Variants in KIF6 observed in about 807,000 individuals in gnomAD.
KIF6 encodes the protein kinesin-like protein KIF6.
Under a neutral mutation model 112.7 loss-of-function variants are expected in KIF6, and 106 were observed. The ratio of observed to expected loss-of-function variants is 0.94; its 90% CI spans 0.80 to 1.11. The LOEUF (loss-of-function observed/expected upper bound fraction) is 1.11, where lower values mean the gene tolerates loss of function less well. Among genes scored for constraint, KIF6 ranks in the 50% least tolerant of loss-of-function variants. The pLI is 0.00. For missense variants in KIF6, 929 were observed against 964.0 expected (o/e 0.96, Z 0.48); for synonymous variants, 339 against 339.9 (o/e 1.00, Z 0.03).
At chr6:39,669,231 T>G (rs954189737) in intron 3 of KIF6, among the ~76,000 whole-genome samples, 1 of 152,222 alleles carries the variant, frequency 6.6e-6, no homozygotes, top group Non-Finnish European at 1.5e-5. Context: ...AAAGGGTCCA[T>G]TATGTAAACA....
intron 14 of KIF6, among the ~76,000 whole-genome samples, chr6:39,423,026 C>A (rs1488565846): frequency 2.6e-5 from 4 of 152,188 alleles, no homozygotes. Context: ...TGATGAGCGC[C>A]CGAGGGTTTC....
intron 13 of KIF6, among the ~76,000 whole-genome samples, chr6:39,473,334 G>A (rs534337206): frequency 7.2e-5 from 11 of 152,056 alleles, no homozygotes; most frequent in Non-Finnish European, 1.2e-4. Context: ...TAACTTTTCT[G>A]AACATGTGCG....
At position 39,343,308 on chromosome 6, in the gene KIF6, T is replaced by C. The variant is rs113891504; in HGVS notation, c.2428+401A>G. 406 of 1,293,652 alleles carry C rather than the reference T, an allele frequency of 3.1e-4. No individual in the cohort carries two copies. In the African/African-American group the frequency reaches 4.9e-3, roughly 15 times the overall value. The allele number at this position is 1,293,652 out of a possible 1,614,324, so 80.1% of individuals were successfully genotyped here. ...CTCTTTGGCAAGAACCACACTCTGA[T>C]AGGGGAGTGAGACTTTAAGCCAGGG... On this transcript the variant is annotated intron_variant, in intron 22 of 22. Transcript: ENST00000287152. The surrounding 1 kb of genome is among the most constrained non-coding windows in gnomAD (Gnocchi z 4.1).
At chr6:39,492,742 T>C (rs1268896050) in intron 13 of KIF6, among the ~76,000 whole-genome samples, 1 of 152,222 alleles carries the variant, frequency 6.6e-6, no homozygotes, top group Non-Finnish European at 1.5e-5. Flanking sequence ...TGGTAACTTA[T>C]ATCTGTAGGT....
rs191392215 is a variant in KIF6 at position 39,373,891 on chromosome 6, C to G, written c.1862-11373G>C. On this transcript the variant is annotated intron_variant, in intron 16 of 22. Transcript: ENST00000287152. ...ATAGAAAAAAAATCCTAACGTTCAT[C>G]TGGAACCACAAAAGACCTTCAATAG... 5.8e-4 allele frequency among the ~76,000 whole-genome samples: 89 copies of G among 152,260 alleles called. No homozygotes were observed. The Middle Eastern group carries it at 0.01, about 17-fold the overall frequency.
Position 39,385,813 on chromosome 6 carries a change from A to C in KIF6, c.1811-141T>G. 3 of 658,078 alleles carry C rather than the reference A, an allele frequency of 4.6e-6. No homozygotes were observed. In the South Asian group the frequency reaches 5.5e-5, roughly 12 times the overall value. The allele number at this position is 658,078 out of a possible 1,614,324, so 40.8% of individuals were successfully genotyped here. A position where few individuals can be genotyped will look rare whatever the true frequency, so the allele number is the denominator to read the frequency against. The stretch of plus-strand genomic sequence containing the variant: ...CAAAAGCAGGCATAGCTTCCAAGAA[A>C]TGACCTTCCATGATTCCTAGATCGT... On this transcript the variant is annotated intron_variant, in intron 15 of 22. Coordinates refer to ENST00000287152, the MANE Select transcript of KIF6 (RefSeq NM_145027.6).
intron 15 of KIF6, among the ~76,000 whole-genome samples, chr6:39,393,220 G>T (rs1028959789): frequency 1.3e-5 from 2 of 152,182 alleles, no homozygotes; most frequent in Non-Finnish European, 2.9e-5. Flanking sequence ...TTTACCACCC[G>T]CAGGCCCTCT....
At chr6:39,521,937 T>C (rs115882070) in intron 13 of KIF6, among the ~76,000 whole-genome samples, 1,740 of 152,252 alleles carry the variant, frequency 0.011, 37 homozygotes, top group African/African-American at 0.04. Flanking sequence ...TCCCATATAT[T>C]ATTCTCTGCT....
chr6:39,580,582 T>C (rs1203588969), intron 9 of KIF6, among the ~76,000 whole-genome samples: 2 of 152,204 alleles, frequency 1.3e-5, no homozygotes, highest in Non-Finnish European at 2.9e-5. Context: ...TTTCAAAGTA[T>C]GGTTGAATGT....
Position 39,511,434 on chromosome 6 carries a change from A to G in KIF6, c.1645+28569T>C, listed in dbSNP as rs1427593770. Among the ~76,000 whole-genome samples, 8 of 152,204 alleles carry G rather than the reference A, an allele frequency of 5.3e-5. No homozygotes were observed. In the East Asian group the frequency reaches 1.5e-3, roughly 29 times the overall value. ...TTAGAATGGTGACCATTAAAAAGTC[A>G]AGAAACAACAGGTGCTGGAGAGGAT... On this transcript the variant is annotated intron_variant, in intron 13 of 22. Coordinates refer to ENST00000287152, the MANE Select transcript of KIF6 (RefSeq NM_145027.6).
At chr6:39,584,793 C>T in intron 9 of KIF6, 105 bp downstream of exon 9, 1 of 655,200 alleles carries the variant, frequency 1.5e-6, no homozygotes, top group East Asian at 2.7e-5. Context: ...AATATGTTTC[C>T]ACTACTTAGA....
In KIF6 at chr6:39,480,411, C is replaced by A. The variant is rs186374360; in HGVS notation, c.1646-49250G>T. On this transcript the variant is annotated intron_variant, in intron 13 of 22. Coordinates refer to ENST00000287152, the MANE Select transcript of KIF6 (RefSeq NM_145027.6). ...ATCCCTGGTATGAAACCCACTTGAT[C>A]ATGGTGGATTATCTTTTTGATATGC... is the stretch of plus-strand genomic sequence containing the variant. 2.2e-3 allele frequency among the ~76,000 whole-genome samples: 342 copies of A among 152,280 alleles called. 2 individuals are homozygous for A. Among genetic ancestry groups the A allele is most frequent in the African/African-American group, 5.8e-3 (239 of 41,560 alleles).
At chr6:39,590,838 T>A (rs1781909990) in intron 7 of KIF6, among the ~76,000 whole-genome samples, 1 of 152,198 alleles carries the variant, frequency 6.6e-6, no homozygotes, top group African/African-American at 2.4e-5. Flanking sequence ...GTTTTAATTA[T>A]AAGGGAAATT....
At chr6:39,606,673 C>A (rs1200565298) in intron 6 of KIF6, among the ~76,000 whole-genome samples, 1 of 152,240 alleles carries the variant, frequency 6.6e-6, no homozygotes, top group East Asian at 1.9e-4. Flanking sequence ...CTCCCTGAAC[C>A]CCACTCACCA....
At position 39,346,049 on chromosome 6, in the gene KIF6, G is replaced by GCTCTCTCTCTCTCTCT. The variant is rs1203700665; in HGVS notation, c.2232-276_2232-261dup. Among the ~76,000 whole-genome samples, 88 of 28,998 alleles carry GCTCTCTCTCTCTCTCT rather than the reference G, an allele frequency of 3.0e-3. 18 individuals carry two copies. The highest frequency in any genetic ancestry group is 4.3e-3 in the Non-Finnish European group (66 of 15,408). The allele number at this position is 28,998 out of a possible 152,430, so 19.0% of individuals were successfully genotyped here. ...TAAGAGGAGGATGAGAAACTACAGTGCTCTCTCTCTCTCTCTCTCTCTCTC... is the reference window on the plus strand; with the variant it reads ...TAAGAGGAGGATGAGAAACTACAGTGCTCTCTCTCTCTCTCTCTCTCTCTCTCTCTCTCTCTCTCTC... On this transcript the variant is annotated intron_variant, in intron 20 of 22. Transcript: ENST00000287152.
chr6:39,567,047 G>T (rs918782346), intron 10 of KIF6, among the ~76,000 whole-genome samples: 1 of 152,098 alleles, frequency 6.6e-6, no homozygotes, highest in African/African-American at 2.4e-5. Context: ...ATGAGTGTAT[G>T]TTCTAAAGAG....
chr6:39,456,972 G>A (rs1022054280), intron 13 of KIF6, among the ~76,000 whole-genome samples: 3 of 147,314 alleles, frequency 2.0e-5, no homozygotes, highest in African/African-American at 7.8e-5. Flanking sequence ...GAGACAGAAA[G>A]TCAACAAGGA....
At chr6:39,357,422 C>T in intron 18 of KIF6, 48 bp from the exon 19 acceptor site, 1 of 996,668 alleles carries the variant, frequency 1.0e-6, no homozygotes, top group Non-Finnish European at 1.6e-6. Flanking sequence ...AATCTAATGA[C>T]ATAGGAAGAT....
At chr6:39,555,327 G>C (rs531092184) in intron 10 of KIF6, among the ~76,000 whole-genome samples, 1 of 152,244 alleles carries the variant, frequency 6.6e-6, no homozygotes, top group African/African-American at 2.4e-5. Flanking sequence ...CTCCAGCCAT[G>C]CCCCTCCCCC....
Sources: gnomAD v4.1 joint callset for allele counts (sites outside exome capture counted in the v4.1 genomes callset) on GRCh38, gnomAD v4.1.1 for gene constraint, Gnocchi (gnomAD v3.1) non-coding constraint, MANE v1.5 for transcripts, NCBI Gene and HGNC (gene_info 2026-07-23, HGNC 2026-07-21) for gene names.